Variants in PDE7B observed in about 807,000 individuals in gnomAD.
The protein encoded by PDE7B is 3',5'-cyclic-AMP phosphodiesterase 7B.
A neutral mutation model predicts 56.2 loss-of-function variants in PDE7B; 29 were observed. The observed-to-expected ratio is 0.52, with a 90% CI of 0.38 to 0.70. The LOEUF is 0.70. PDE7B is among the 30% of genes least tolerant of loss of function. The pLI is 0.00. For missense variants in PDE7B, 490 were observed against 565.0 expected, an observed-to-expected ratio of 0.87 and a Z score of 1.35; for synonymous variants, 197 against 196.9, an observed-to-expected ratio of 1.00 and a Z score of 0.00.
intron 2 of PDE7B, among the ~76,000 whole-genome samples, chr6:135,998,691 G>A (rs957852230): frequency 6.6e-6 from 1 of 151,992 alleles, no homozygotes; most frequent in East Asian, 1.9e-4. Flanking sequence ...GGGAGGCAGA[G>A]CTTGCAGTGA....
chr6:135,873,632 C>T (rs928305580), intron 1 of PDE7B, among the ~76,000 whole-genome samples: 1 of 151,968 alleles, frequency 6.6e-6, no homozygotes, highest in Non-Finnish European at 1.5e-5. Context: ...TTTTTATCTT[C>T]ATTGTGATTG....
intron 1 of PDE7B, among the ~76,000 whole-genome samples, chr6:135,888,857 C>T (rs1775757553): frequency 6.6e-6 from 1 of 151,944 alleles, no homozygotes; most frequent in South Asian, 2.1e-4. Context: ...TTAATATAAT[C>T]TACCACAAGC....
At chr6:135,868,824 A>C (rs753644618) in intron 1 of PDE7B, among the ~76,000 whole-genome samples, 2 of 152,180 alleles carry the variant, frequency 1.3e-5, no homozygotes, top group Non-Finnish European at 2.9e-5. Context: ...CTGAAATTGA[A>C]TTTTAGGCAC....
chr6:136,061,749 G>A (rs370417835), intron 2 of PDE7B, among the ~76,000 whole-genome samples: 73 of 152,282 alleles, frequency 4.8e-4, no homozygotes, highest in Middle Eastern at 3.4e-3. Context: ...GTGACAGTTC[G>A]AAGTGAGGGG....
At chr6:135,906,395 T>C (rs1776105554) in intron 1 of PDE7B, among the ~76,000 whole-genome samples, 1 of 152,174 alleles carries the variant, frequency 6.6e-6, no homozygotes, top group Non-Finnish European at 1.5e-5. Flanking sequence ...AACTGCAAGC[T>C]CTCCCTTTGT....
At position 135,879,304 on chromosome 6, in the gene PDE7B, C is replaced by T. The variant is rs754800079; in HGVS notation, c.21+27285C>T. ...AAATAGACCTTTTCCCCTCTACAAA[C>T]AAACAAGGGAACAGATAACAAGTCT... On this transcript the variant is annotated intron_variant, in intron 1 of 12. Coordinates refer to ENST00000308191, the MANE Select transcript of PDE7B (RefSeq NM_018945.4). 4.6e-5 allele frequency among the ~76,000 whole-genome samples: 7 copies of T among 152,036 alleles called. No homozygotes were observed. The South Asian group carries it at 1.4e-3, about 31-fold the overall frequency.
intron 2 of PDE7B, among the ~76,000 whole-genome samples, chr6:135,987,550 G>T: frequency 6.6e-6 from 1 of 152,064 alleles, no homozygotes; most frequent in East Asian, 1.9e-4. Context: ...AATAACACTT[G>T]AGTTAAGTCG....
chr6:136,089,386 C>T (rs1777348028), intron 2 of PDE7B, among the ~76,000 whole-genome samples: 2 of 152,138 alleles, frequency 1.3e-5, no homozygotes, highest in Admixed American at 1.3e-4. Context: ...TGGTTCCATG[C>T]TATTAAAAAT....
chr6:135,877,828 A>C (rs1775529171), intron 1 of PDE7B, among the ~76,000 whole-genome samples: 1 of 152,022 alleles, frequency 6.6e-6, no homozygotes, highest in Admixed American at 6.5e-5. Context: ...ACGTCAGTGG[A>C]TGATTAAAGT....
intron 2 of PDE7B, among the ~76,000 whole-genome samples, chr6:136,102,179 C>CA (rs1383849180): frequency 6.7e-6 from 1 of 148,454 alleles, no homozygotes; most frequent in Admixed American, 6.7e-5. Context: ...GTCACAAGGA[C>CA]TAAAGGTGCT....
chr6:135,871,657 A>G (rs1775382587), intron 1 of PDE7B, among the ~76,000 whole-genome samples: 1 of 152,172 alleles, frequency 6.6e-6, no homozygotes, highest in Non-Finnish European at 1.5e-5. Context: ...CTTAGCTTTG[A>G]CAGCTACCTG....
At chr6:136,108,092 A>G (rs1032814126) in intron 2 of PDE7B, among the ~76,000 whole-genome samples, 4 of 142,336 alleles carry the variant, frequency 2.8e-5, no homozygotes, top group Non-Finnish European at 4.5e-5. Context: ...GTGCCACTGC[A>G]CTCCAACCTG....
chr6:136,145,784 TA>T (rs1414625801), intron 3 of PDE7B, among the ~76,000 whole-genome samples: 1 of 152,200 alleles, frequency 6.6e-6, no homozygotes, highest in African/African-American at 2.4e-5. Flanking sequence ...TAAACCCATC[TA>T]AAGTCAAGGT....
chr6:136,154,986 G>A (rs1372531254), intron 7 of PDE7B, among the ~76,000 whole-genome samples: 1 of 152,140 alleles, frequency 6.6e-6, no homozygotes, highest in Non-Finnish European at 1.5e-5. Flanking sequence ...GGACATTAAT[G>A]GCTCTGTTTT....
intron 2 of PDE7B, among the ~76,000 whole-genome samples, chr6:136,092,024 G>A (rs557938497): frequency 6.6e-6 from 1 of 152,218 alleles, no homozygotes; most frequent in East Asian, 1.9e-4. Context: ...TAAGCAATTC[G>A]TACTAAAAGA....
intron 3 of PDE7B, among the ~76,000 whole-genome samples, chr6:136,119,808 C>A (rs763705810): frequency 6.6e-6 from 1 of 152,206 alleles, no homozygotes; most frequent in Non-Finnish European, 1.5e-5. Context: ...TCTTTCCACT[C>A]AACCATATAA....
chr6:136,081,589 T>G (rs1404560546), intron 2 of PDE7B, among the ~76,000 whole-genome samples: 1 of 152,212 alleles, frequency 6.6e-6, no homozygotes, highest in African/African-American at 2.4e-5. Context: ...CTAGAAAGCC[T>G]TGCCTCTCGC....
At chr6:135,880,124 A>T (rs2128188550) in intron 1 of PDE7B, among the ~76,000 whole-genome samples, 1 of 152,192 alleles carries the variant, frequency 6.6e-6, no homozygotes, top group South Asian at 2.1e-4. Flanking sequence ...CACAAACCAC[A>T]TCCTGACATT....
intron 1 of PDE7B, among the ~76,000 whole-genome samples, chr6:135,946,576 G>A (rs1288864511): frequency 6.6e-6 from 1 of 152,034 alleles, no homozygotes; most frequent in Non-Finnish European, 1.5e-5. Context: ...GTTATTGCCA[G>A]ACTTCTAAAT....
Sources: gnomAD v4.1 joint callset for allele counts (sites outside exome capture counted in the v4.1 genomes callset) on GRCh38, gnomAD v4.1.1 for gene constraint, MANE v1.5 for transcripts, NCBI Gene and HGNC (gene_info 2026-07-23, HGNC 2026-07-21) for gene names.